The following GABPB1 variants were observed in gnomAD, a reference collection of about 807,000 sequenced individuals.
The protein encoded by GABPB1 is GA binding protein transcription factor subunit beta 1.
A neutral mutation model predicts 45.9 loss-of-function variants in GABPB1; 15 were observed. That is an observed-to-expected ratio of 0.33 (90% CI 0.22 to 0.50). The LOEUF is 0.50. Among genes scored for constraint, GABPB1 ranks in the 20% least tolerant of loss-of-function variants. The pLI is 0.98. For synonymous variants in GABPB1, 143 were observed against 154.4 expected (o/e 0.93, Z 0.55); for missense variants, 252 against 457.5 (o/e 0.55, Z 4.10).
At chr15:50,287,313 C>A (rs1460585700) in intron 7 of GABPB1, among the ~76,000 whole-genome samples, 1 of 152,132 alleles carries the variant, frequency 6.6e-6, no homozygotes, top group Non-Finnish European at 1.5e-5. Context: ...ACTTTAGAAG[C>A]CATTTGGCTA....
intron 1 of GABPB1, among the ~76,000 whole-genome samples, chr15:50,345,570 G>T (rs2141171877): frequency 6.6e-6 from 1 of 152,282 alleles, no homozygotes; most frequent in East Asian, 1.9e-4. Context: ...CGAAAAAAAA[G>T]TAAAAACTCA....
At chr15:50,337,075 G>GTATATATATATATATATA (rs869106382) in intron 1 of GABPB1, among the ~76,000 whole-genome samples, 1 of 14,186 alleles carries the variant, frequency 7.0e-5, no homozygotes, top group African/African-American at 2.9e-4. Flanking sequence ...ATATGTGTGT[G>GTATATATATATATATATA]TATATATATA....
chr15:50,301,022 G>C (rs1476393111), intron 5 of GABPB1, 120 bp from the exon 6 acceptor site: 1 of 796,546 alleles, frequency 1.3e-6, no homozygotes, highest in East Asian at 2.6e-5. Context: ...GCTTTTGAAA[G>C]GTAATACTGC....
chr15:50,305,103 A>G (rs2046896362), intron 2 of GABPB1, among the ~76,000 whole-genome samples: 1 of 152,214 alleles, frequency 6.6e-6, no homozygotes, highest in African/African-American at 2.4e-5. Context: ...AGGAAGATTA[A>G]GTTCTATCAC....
chr15:50,291,157 T>C (rs192301037), intron 6 of GABPB1, among the ~76,000 whole-genome samples: 345 of 152,368 alleles, frequency 2.3e-3, no homozygotes, highest in Admixed American at 3.6e-3. Flanking sequence ...CTTCCATTTA[T>C]GAACTGAGCA....
In GABPB1 at chr15:50,289,673, A is replaced by G. The variant is rs751234390; in HGVS notation, c.698-5T>C. ...CTACTTCTTCTGTGGCCACTACTGGAAAAAAAAAAAAGAAAACTCAGCAAA... is the reference window on the plus strand; with the variant it reads ...CTACTTCTTCTGTGGCCACTACTGGGAAAAAAAAAAAGAAAACTCAGCAAA... On this transcript the variant is annotated splice_region_variant and splice_polypyrimidine_tract_variant and intron_variant, in intron 6 of 8. Coordinates refer to ENST00000380877, the MANE Select transcript of GABPB1 (RefSeq NM_016654.5). The G allele has an allele frequency of 5.3e-5, 28 of 529,698 alleles. No homozygotes were observed. Among genetic ancestry groups the G allele is most frequent in the South Asian group, 1.8e-4 (4 of 21,696 alleles). The allele number at this position is 529,698 out of a possible 1,614,324, so 32.8% of individuals were successfully genotyped here. A position where few individuals can be genotyped will look rare whatever the true frequency, so the allele number is the denominator to read the frequency against.
chr15:50,333,267 C>T (rs1465450438), intron 1 of GABPB1, among the ~76,000 whole-genome samples: 1 of 152,018 alleles, frequency 6.6e-6, no homozygotes, highest in East Asian at 1.9e-4. Flanking sequence ...GGAGTTTGAG[C>T]CTGAGCAACA....
intron 6 of GABPB1, 141 bp downstream of exon 6, chr15:50,300,648 T>C (rs1412558605): frequency 1.8e-6 from 1 of 569,478 alleles, no homozygotes; most frequent in Non-Finnish European, 3.2e-6. Flanking sequence ...TTTCACTATG[T>C]TGTCCAGGCT....
chr15:50,297,370 AC>A (rs2046559382), intron 6 of GABPB1, among the ~76,000 whole-genome samples: 1 of 151,362 alleles, frequency 6.6e-6, no homozygotes, highest in Non-Finnish European at 1.5e-5. Flanking sequence ...ACACCACCAC[AC>A]CCAGCTAATT....
chr15:50,305,167 G>A (rs1279886101), intron 2 of GABPB1, among the ~76,000 whole-genome samples: 1 of 152,060 alleles, frequency 6.6e-6, no homozygotes, highest in African/African-American at 2.4e-5. Flanking sequence ...CACATCACTT[G>A]ATATTCCAAA....
intron 7 of GABPB1, among the ~76,000 whole-genome samples, chr15:50,287,573 C>T (rs1329558016): frequency 6.6e-6 from 1 of 152,184 alleles, no homozygotes; most frequent in Non-Finnish European, 1.5e-5. Context: ...GGCCACAAGA[C>T]GGCCATCTGC....
At chr15:50,282,688 C>G (rs1458807330) in intron 8 of GABPB1, among the ~76,000 whole-genome samples, 1 of 149,472 alleles carries the variant, frequency 6.7e-6, no homozygotes, top group Admixed American at 6.7e-5. Context: ...ATAAAGTTTA[C>G]AGAAATCAGT....
intron 6 of GABPB1, among the ~76,000 whole-genome samples, chr15:50,290,590 C>CA (rs201704921): frequency 0.039 from 4,328 of 112,102 alleles, 135 homozygotes; most frequent in African/African-American, 0.098. Context: ...GACCCTGTCT[C>CA]AAAAAAAAAA....
At chr15:50,330,880 G>A (rs2047926322) in intron 1 of GABPB1, among the ~76,000 whole-genome samples, 1 of 152,158 alleles carries the variant, frequency 6.6e-6, no homozygotes, top group South Asian at 2.1e-4. Context: ...TAGTAGTAGT[G>A]GTGGTTGTGG....
chr15:50,337,234 G>A (rs1033232577), intron 1 of GABPB1, among the ~76,000 whole-genome samples: 2 of 150,534 alleles, frequency 1.3e-5, no homozygotes, highest in South Asian at 4.2e-4. Context: ...GAAGGACAGT[G>A]GCTAAAGAGG....
rs189466032 is a variant in GABPB1, at chr15:50,281,359, A to C, written c.1000-2575T>G. Among the ~76,000 whole-genome samples, 784 of 150,298 alleles carry C rather than the reference A, an allele frequency of 5.2e-3. 6 individuals are homozygous for C. Among genetic ancestry groups the C allele is most frequent in the African/African-American group, 0.011 (467 of 41,462 alleles). On this transcript the variant is annotated intron_variant, in intron 8 of 8. Transcript: ENST00000380877. ...CCTGAGTAGCTGGGACTATAGGCGC[A>C]CGCCACCATGCTCAGCTAATTTTTT...
intron 1 of GABPB1, chr15:50,327,057 A>T (rs915930256): frequency 6.6e-6 from 1 of 152,190 alleles, no homozygotes; most frequent in Admixed American, 6.6e-5. Context: ...GTTGTTTTTA[A>T]ATCACATGAA....
At chr15:50,339,589 C>T (rs1339620064) in intron 1 of GABPB1, among the ~76,000 whole-genome samples, 1 of 151,944 alleles carries the variant, frequency 6.6e-6, no homozygotes, top group Non-Finnish European at 1.5e-5. Flanking sequence ...TATACATTCT[C>T]TATTTCTCTA....
At chr15:50,334,505 CTTTTTTTTT>C (rs60433481) in intron 1 of GABPB1, among the ~76,000 whole-genome samples, 3 of 109,376 alleles carry the variant, frequency 2.7e-5, no homozygotes, top group Admixed American at 1.0e-4. Context: ...TCTTTTTTTC[CTTTTTTTTT>C]TTTTTTTTTT....
Sources: gnomAD v4.1 joint callset for allele counts (sites outside exome capture counted in the v4.1 genomes callset) on GRCh38, gnomAD v4.1.1 for gene constraint, MANE v1.5 for transcripts, NCBI Gene and HGNC (gene_info 2026-07-23, HGNC 2026-07-21) for gene names.